The following NEBL variants were observed in gnomAD, a reference collection of about 807,000 sequenced individuals.
NEBL encodes the protein LIM and SH3 protein 2.
A neutral mutation model predicts 140.2 loss-of-function variants in NEBL; 122 were observed. That is an observed-to-expected ratio of 0.87 (90% CI 0.75 to 1.01). NEBL has a LOEUF of 1.01. Among genes scored for constraint, NEBL ranks in the 50% least tolerant of loss-of-function variants. The probability of loss-of-function intolerance (pLI) is 0.00; values close to 1 mark genes in which losing one functional copy is unlikely to be tolerated. For synonymous variants in NEBL, 436 were observed against 398.9 expected (o/e 1.09, Z -1.11); for missense variants, 1,365 against 1,231.3 (o/e 1.11, Z -1.62).
chr10:21,243,148 C>T (rs1842462488), intron 3 of NEBL, among the ~76,000 whole-genome samples: 1 of 152,090 alleles, frequency 6.6e-6, no homozygotes, highest in South Asian at 2.1e-4. Context: ...TGCTCCTGTT[C>T]CGGGAGTGGG....
rs961978143 is a variant in NEBL, at chr10:20,868,823, T to C, written c.583-58A>G. 4 of 1,147,364 alleles carry C rather than the reference T, an allele frequency of 3.5e-6. No individual in the cohort carries two copies. In the African/African-American group the frequency reaches 8.1e-5, roughly 23 times the overall value. The allele number at this position is 1,147,364 out of a possible 1,614,324, so 71.1% of individuals were successfully genotyped here. On this transcript the variant is annotated intron_variant, in intron 6 of 27. Transcript: ENST00000377122. Reference sequence around the variant, plus strand: ...TTCTACCCTCCAATGATGAACTACATTGACATTAGCCAAAAAAAAAAAAAA... The same window carrying C: ...TTCTACCCTCCAATGATGAACTACACTGACATTAGCCAAAAAAAAAAAAAA...
At chr10:20,795,423 A>C (rs1321619599) in intron 26 of NEBL, among the ~76,000 whole-genome samples, 2 of 152,194 alleles carry the variant, frequency 1.3e-5, no homozygotes, top group African/African-American at 4.8e-5. Flanking sequence ...GAAATTGTAG[A>C]GGCAGAAATT....
intron 2 of NEBL, among the ~76,000 whole-genome samples, chr10:21,026,478 C>A (rs1833504062): frequency 6.6e-6 from 1 of 152,232 alleles, no homozygotes; most frequent in Non-Finnish European, 1.5e-5. Context: ...ACTTTGTTTT[C>A]ATTCCTGTCT....
intron 2 of NEBL, among the ~76,000 whole-genome samples, chr10:21,120,323 T>G (rs1462405904): frequency 7.0e-6 from 1 of 143,810 alleles, no homozygotes; most frequent in Non-Finnish European, 1.5e-5. Context: ...TACAGTGAGC[T>G]GTGATAGCAC....
chr10:21,206,173 C>T (rs932622786), intron 3 of NEBL, among the ~76,000 whole-genome samples: 14 of 152,228 alleles, frequency 9.2e-5, no homozygotes, highest in South Asian at 2.1e-4. Context: ...ATATTAGTAA[C>T]GCAATGCATC....
In NEBL at chr10:20,785,020, T is replaced by C; in HGVS notation, c.*727A>G. 6.5e-6 allele frequency: 1 copy of C among 152,836 alleles called. No homozygotes were observed. 9.5% of individuals were successfully genotyped at this position (152,836 alleles called of 1,614,324 possible). ...TACTAGGGAAATTATATCAATGACA[T>C]TATAATTTGCCCTTTGCAGAGTAGC... On this transcript the variant is annotated 3_prime_UTR_variant, in exon 28 of 28. Transcript: ENST00000377122.
intron 4 of NEBL, among the ~76,000 whole-genome samples, chr10:20,948,230 A>G (rs1269638988): frequency 6.6e-6 from 1 of 152,220 alleles, no homozygotes; most frequent in African/African-American, 2.4e-5. Flanking sequence ...GATAGAGGTT[A>G]GAAGCAATGT....
chr10:20,941,555 T>C (rs1172234198), intron 4 of NEBL, among the ~76,000 whole-genome samples: 2 of 151,236 alleles, frequency 1.3e-5, no homozygotes, highest in Non-Finnish European at 2.9e-5. Context: ...ATCACTCCTA[T>C]TCAACATAGT....
intron 3 of NEBL, among the ~76,000 whole-genome samples, chr10:21,209,463 C>T (rs1841881450): frequency 6.6e-6 from 1 of 151,762 alleles, no homozygotes; most frequent in Admixed American, 6.6e-5. Flanking sequence ...ATACATTGCC[C>T]CTCTGAAAAA....
intron 4 of NEBL, among the ~76,000 whole-genome samples, chr10:20,909,374 C>T (rs567100910): frequency 6.6e-6 from 1 of 151,640 alleles, no homozygotes; most frequent in Non-Finnish European, 1.5e-5. Flanking sequence ...TTTTTAGATT[C>T]TATAAATAAG....
chr10:20,898,375 AGT>A (rs1847671707), upstream of NEBL, among the ~76,000 whole-genome samples: 1 of 152,132 alleles, frequency 6.6e-6, no homozygotes, highest in Non-Finnish European at 1.5e-5. Context: ...TATTAAAAAT[AGT>A]ATGTCATTCT....
At chr10:21,056,454 G>A (rs2165286) in intron 2 of NEBL, among the ~76,000 whole-genome samples, 60,045 of 152,064 alleles carry the variant, frequency 0.39, 11,953 homozygotes, top group Middle Eastern at 0.47. Context: ...TTTAAAAGCA[G>A]TAGGAAAAGG....
chr10:20,939,959 G>GA (rs1303772980), intron 4 of NEBL, among the ~76,000 whole-genome samples: 1 of 151,660 alleles, frequency 6.6e-6, no homozygotes, highest in Middle Eastern at 3.2e-3. Flanking sequence ...CCCAGAAAGA[G>GA]AATTAGACTC....
intron 3 of NEBL, among the ~76,000 whole-genome samples, chr10:21,206,307 A>G (rs964560709): frequency 2.6e-5 from 4 of 152,210 alleles, no homozygotes; most frequent in African/African-American, 7.2e-5. Context: ...AAAATAAGTT[A>G]TTTTGTCCTG....
chr10:20,885,361 G>A (rs16921218), intron 4 of NEBL, among the ~76,000 whole-genome samples: 2,954 of 152,176 alleles, frequency 0.019, 89 homozygotes, highest in African/African-American at 0.067. Context: ...TGAAGTAGCC[G>A]CCTTATTCAA....
intron 5 of NEBL, among the ~76,000 whole-genome samples, chr10:20,876,422 A>G (rs1405280289): frequency 7.2e-5 from 11 of 152,208 alleles, no homozygotes; most frequent in Non-Finnish European, 1.3e-4. Flanking sequence ...ATCCTAAAGC[A>G]CTATTATTGT....
chr10:21,246,231 A>C (rs1842515365), intron 3 of NEBL, among the ~76,000 whole-genome samples: 2 of 152,322 alleles, frequency 1.3e-5, no homozygotes, highest in South Asian at 4.1e-4. Flanking sequence ...TTGTTCTACC[A>C]AGTGATGGTG....
chr10:20,923,565 G>C (rs533223351), intron 4 of NEBL, among the ~76,000 whole-genome samples: 1 of 145,796 alleles, frequency 6.9e-6, no homozygotes, highest in South Asian at 2.2e-4. Context: ...TGTAGTCCCA[G>C]CTACTCAGGA....
intron 4 of NEBL, among the ~76,000 whole-genome samples, chr10:20,947,758 G>C (rs1835251923): frequency 6.6e-6 from 1 of 151,936 alleles, no homozygotes; most frequent in Non-Finnish European, 1.5e-5. Flanking sequence ...GAAGCAGATG[G>C]AAGGACGGCT....
Sources: allele counts gnomAD v4.1 joint callset (sites outside exome capture counted in the v4.1 genomes callset), GRCh38; gene constraint gnomAD v4.1.1; transcripts MANE v1.5; gene names NCBI Gene and HGNC (gene_info 2026-07-23, HGNC 2026-07-21).